SPMIP7: variants seen among roughly 807,000 people sequenced by gnomAD.
The protein encoded by SPMIP7 is protein SPMIP7.
At chr7:50,096,743 T>A in the SPMIP7 span, 6 of 897,882 alleles carry the variant, frequency 6.7e-6, no homozygotes, top group Non-Finnish European at 9.4e-6. Flanking sequence ...ATTACAATGA[T>A]CTGAAAAAGG....
the SPMIP7 span, among the ~76,000 whole-genome samples, chr7:50,150,167 G>C: frequency 1.3e-5 from 2 of 152,146 alleles, no homozygotes; most frequent in African/African-American, 4.8e-5. Context: ...CTTACTGGTC[G>C]TGTGGGAAGG....
the SPMIP7 span, chr7:50,151,653 G>A: frequency 1.2e-6 from 1 of 801,000 alleles, no homozygotes; most frequent in Non-Finnish European, 1.9e-6. Context: ...AATAGTAAAA[G>A]CAAATTTACA....
the SPMIP7 span, among the ~76,000 whole-genome samples, chr7:50,105,803 T>C: frequency 6.6e-6 from 1 of 152,170 alleles, no homozygotes; most frequent in East Asian, 1.9e-4. Context: ...AAAATTTTTA[T>C]TTATTAATTT....
At chr7:50,098,144 A>T in the SPMIP7 span, among the ~76,000 whole-genome samples, 1 of 152,010 alleles carries the variant, frequency 6.6e-6, no homozygotes. Context: ...AATTACATAC[A>T]CACTGGTATG....
At chr7:50,141,060 T>TTAA in the SPMIP7 span, among the ~76,000 whole-genome samples, 2 of 152,198 alleles carry the variant, frequency 1.3e-5, no homozygotes, top group Non-Finnish European at 2.9e-5. Flanking sequence ...TGGCTCAAAC[T>TTAA]TAAGATCAAG....
the SPMIP7 span, among the ~76,000 whole-genome samples, chr7:50,108,758 T>G: frequency 6.6e-6 from 1 of 152,160 alleles, no homozygotes; most frequent in African/African-American, 2.4e-5. Flanking sequence ...AAATAAATTT[T>G]TATCTATTTG....
chr7:50,117,749 A>G, the SPMIP7 span, among the ~76,000 whole-genome samples: 1 of 152,208 alleles, frequency 6.6e-6, no homozygotes, highest in South Asian at 2.1e-4. Context: ...GTTAATACAG[A>G]AGAGAACTCT....
the SPMIP7 span, among the ~76,000 whole-genome samples, chr7:50,152,936 C>A: frequency 6.6e-6 from 1 of 151,814 alleles, no homozygotes; most frequent in Non-Finnish European, 1.5e-5. Context: ...ATGCTCCCGC[C>A]TTGGCCTCCC....
chr7:50,114,459 A>G, the SPMIP7 span, among the ~76,000 whole-genome samples: 2 of 152,238 alleles, frequency 1.3e-5, no homozygotes, highest in Non-Finnish European at 2.9e-5. Context: ...GGAGTTAAAG[A>G]TGTATATTGT....
At chr7:50,148,538 T>C in the SPMIP7 span, among the ~76,000 whole-genome samples, 2 of 152,206 alleles carry the variant, frequency 1.3e-5, no homozygotes, top group African/African-American at 4.8e-5. Flanking sequence ...TTCACACAGA[T>C]GGAGGGGATT....
At chr7:50,135,695 G>T in the SPMIP7 span, among the ~76,000 whole-genome samples, 1 of 152,042 alleles carries the variant, frequency 6.6e-6, no homozygotes, top group Non-Finnish European at 1.5e-5. Context: ...GTCCTTCTTG[G>T]GCCAGATGAT....
At chr7:50,124,867 G>A in the SPMIP7 span, among the ~76,000 whole-genome samples, 1 of 152,006 alleles carries the variant, frequency 6.6e-6, no homozygotes, top group Non-Finnish European at 1.5e-5. Flanking sequence ...GGGAGGCCAA[G>A]TTGGGTGGAT....
At chr7:50,133,337 G>A in the SPMIP7 span, among the ~76,000 whole-genome samples, 2 of 152,116 alleles carry the variant, frequency 1.3e-5, no homozygotes, top group African/African-American at 2.4e-5. Flanking sequence ...GCATTAGTGT[G>A]GAATAGTGGG....
At chr7:50,127,947 G>C in the SPMIP7 span, among the ~76,000 whole-genome samples, 4 of 151,912 alleles carry the variant, frequency 2.6e-5, no homozygotes, top group African/African-American at 9.7e-5. Flanking sequence ...ATATGATTCA[G>C]TGATTCCACT....
At chr7:50,138,560 G>T in the SPMIP7 span, among the ~76,000 whole-genome samples, 5 of 152,068 alleles carry the variant, frequency 3.3e-5, no homozygotes, top group Non-Finnish European at 5.9e-5. Flanking sequence ...CAGTGGAATG[G>T]TTAACCTTAT....
chr7:50,120,442 G>A, the SPMIP7 span: 1 of 152,240 alleles, frequency 6.6e-6, no homozygotes, highest in African/African-American at 2.4e-5. Context: ...AACACTTAAT[G>A]GAACACTGTA....
the SPMIP7 span, among the ~76,000 whole-genome samples, chr7:50,110,299 GA>G: frequency 1.3e-5 from 2 of 150,558 alleles, no homozygotes; most frequent in African/African-American, 4.8e-5. Flanking sequence ...AGAGGTGGGG[GA>G]AAAAAACACA....
At chr7:50,096,064 A>C in the SPMIP7 span, 6 of 1,431,888 alleles carry the variant, frequency 4.2e-6, no homozygotes, top group East Asian at 1.0e-4. Flanking sequence ...TATAGTTATC[A>C]AAAATTCTAA....
the SPMIP7 span, among the ~76,000 whole-genome samples, chr7:50,101,348 C>T: frequency 7.2e-5 from 11 of 152,206 alleles, no homozygotes; most frequent in Non-Finnish European, 1.2e-4. Context: ...GTGTGCCCAC[C>T]TAAGCCCCCA....
Sources: gnomAD v4.1 joint callset for allele counts (sites outside exome capture counted in the v4.1 genomes callset) on GRCh38, gnomAD v4.1.1 for gene constraint, MANE v1.5 for transcripts, NCBI Gene and HGNC (gene_info 2026-07-23, HGNC 2026-07-21) for gene names.